FGR: variants seen among roughly 807,000 people sequenced by gnomAD.
FGR encodes the protein FGR proto-oncogene, Src family tyrosine kinase, also known as tyrosine-protein kinase Fgr.
Under a neutral mutation model 63.2 loss-of-function variants are expected in FGR, and 26 were observed. The ratio of observed to expected loss-of-function variants is 0.41; its 90% confidence interval spans 0.30 to 0.57. The LOEUF (loss-of-function observed/expected upper bound fraction) is 0.57, where lower values mean the gene tolerates loss of function less well. Among genes scored for constraint, FGR ranks in the 20% least tolerant of loss-of-function variants. The pLI is 0.27. For missense variants in FGR, 511 were observed against 690.8 expected (o/e 0.74, Z 2.92); for synonymous variants, 286 against 277.7 (o/e 1.03, Z -0.30).
chr1:27,615,389 T>C lies in FGR; in HGVS notation c.1018+45A>G. On this transcript the variant is annotated intron_variant, in intron 9 of 12. Transcript: ENST00000374005. The surrounding 1 kb of genome is among the most constrained non-coding windows in gnomAD (Gnocchi z 7.6). ...GGTCCCACGCCTGAAAACTCCCCTC[T>C]TAACTTCACCCCGAATCCCGCCCGA... 6.4e-7 allele frequency: 1 copy of C among 1,572,998 alleles called. No individual in the cohort carries two copies. The highest frequency in any genetic ancestry group is 8.7e-7 in the Non-Finnish European group (1 of 1,152,774).
Position 27,621,665 on chromosome 1 carries a change from C to A in FGR, c.330-8G>T. 3.1e-6 allele frequency: 5 copies of A among 1,609,788 alleles called. No homozygotes were observed. The highest frequency in any genetic ancestry group is 3.4e-6 in the Non-Finnish European group (4 of 1,176,106). On this transcript the variant is annotated splice_region_variant and splice_polypyrimidine_tract_variant and intron_variant, in intron 4 of 12. Coordinates refer to ENST00000374005, the MANE Select transcript of FGR (RefSeq NM_005248.3). ...TCCCACCAGTCACCTTCACTGTAGG[C>A]ACAGAACAGGGCATGGTCAGCAGCA...
chr1:27,628,366 C>T (rs1305096404), intron 1 of FGR, among the ~76,000 whole-genome samples: 1 of 152,022 alleles, frequency 6.6e-6, no homozygotes, highest in East Asian at 1.9e-4. Context: ...AGGCCACAGA[C>T]ATGATGTATC....
rs535164824 is a variant in FGR at position 27,631,842 on chromosome 1, G to T, written c.-77+3223C>A. Among the ~76,000 whole-genome samples the T allele has an allele frequency of 3.5e-4, 54 of 152,210 alleles. No homozygotes were observed. In the South Asian group the frequency reaches 6.2e-3, roughly 18 times the overall value. ...CAAAAGGGAACCGGGACTTTGGGCAGGGGCAGGAAACCACCATCCTGCAAG... is the reference window on the plus strand; with the variant it reads ...CAAAAGGGAACCGGGACTTTGGGCATGGGCAGGAAACCACCATCCTGCAAG... On this transcript the variant is annotated intron_variant, in intron 1 of 12. Coordinates refer to ENST00000374005, the MANE Select transcript of FGR (RefSeq NM_005248.3).
At chr1:27,614,963 C>T in intron 9 of FGR, 37 bp from the exon 10 acceptor site, 5 of 1,536,738 alleles carry the variant, frequency 3.3e-6, no homozygotes, top group Non-Finnish European at 4.4e-6. Context: ...CAAAGCCCTA[C>T]CCCGGGCCCC....
chr1:27,626,041 C>A (rs1571401303), intron 1 of FGR: 1 of 398,800 alleles, frequency 2.5e-6, no homozygotes, highest in Non-Finnish European at 4.4e-6. Context: ...AGAGTGGATA[C>A]CTACCTCCGG....
intron 5 of FGR, among the ~76,000 whole-genome samples, chr1:27,620,106 C>T (rs761967437): frequency 3.3e-5 from 5 of 152,142 alleles, no homozygotes; most frequent in Non-Finnish European, 5.9e-5. Flanking sequence ...CACTTGAGGT[C>T]AGGAGTTTGA....
In FGR at chr1:27,613,024, T is replaced by C; in HGVS notation, c.1480A>G (p.Thr494Ala). ...PASLYEAMEQ[T>A]WRLDPEERPT... ...CTCTCCTCCGGGTCCAGACGCCAGGTCTGTTCCATGGCCTCGTACAGGGAT... is the reference window on the plus strand; with the variant it reads ...CTCTCCTCCGGGTCCAGACGCCAGGCCTGTTCCATGGCCTCGTACAGGGAT... The change falls in exon 13 of 13, where the codon ACC becomes GCC. Residue 494 changes from threonine to alanine, a missense_variant. Coordinates refer to ENST00000374005, the MANE Select transcript of FGR (RefSeq NM_005248.3). 8 of 1,614,162 alleles carry C rather than the reference T, an allele frequency of 5.0e-6. No homozygotes were observed. The highest frequency in any genetic ancestry group is 6.8e-6 in the Non-Finnish European group (8 of 1,180,012).
chr1:27,627,609 A>G (rs369130457), intron 1 of FGR, among the ~76,000 whole-genome samples: 3 of 152,048 alleles, frequency 2.0e-5, no homozygotes, highest in Admixed American at 2.0e-4. Flanking sequence ...TATTATTATT[A>G]TTAATTTATT....
At chr1:27,628,516 TAC>T (rs56021900) in intron 1 of FGR, among the ~76,000 whole-genome samples, 8,107 of 90,816 alleles carry the variant, frequency 0.089, 314 homozygotes, top group African/African-American at 0.13. Context: ...CATGTAGGGA[TAC>T]ACACACACAC....
In FGR at chr1:27,616,870, C is replaced by T. The variant is rs112532222; in HGVS notation, c.669G>A (p.Val223=). 6.2e-6 allele frequency: 10 copies of T among 1,614,082 alleles called. No individual in the cohort carries two copies. The African/African-American group carries it at 6.7e-5, about 11-fold the overall frequency. ...RVQFNSVQEL[V]QHYMEVNDGL... ...CCCTGCCCTCACCCATGTAGTGCTG[C>T]ACCAGCTCCTGCACCGAGTTGAACT... Residue 223 remains valine (V), a synonymous_variant, in exon 7 of 13, where the codon GTG becomes GTA. Transcript: ENST00000374005. This position sits in a 1 kb window ranked among gnomAD's most constrained non-coding sequence, Gnocchi z 4.3.
In FGR at chr1:27,623,849, C is replaced by T. The variant is rs555769133; in HGVS notation, c.68G>A (p.Gly23Glu). 23 of 1,613,336 alleles carry T rather than the reference C, an allele frequency of 1.4e-5. No homozygotes were observed. The highest frequency in any genetic ancestry group is 1.7e-4 in the Middle Eastern group (1 of 6,046). ...TGCTGCCCCGTAGCTTCTGAAGTCCCCTTCCAGGCCAGCATCCTCCTTGGC... is the reference window on the plus strand; with the variant it reads ...TGCTGCCCCGTAGCTTCTGAAGTCCTCTTCCAGGCCAGCATCCTCCTTGGC... The part of the protein sequence containing the change: ...ATAKEDAGLE[G>E]DFRSYGAADH... The change falls in exon 3 of 13, where the codon GGG (glycine) becomes GAG (glutamate). Residue 23 changes from glycine to glutamate, a missense_variant. Gly to Glu is a moderately conservative substitution (Grantham distance 98). Coordinates refer to ENST00000374005, the MANE Select transcript of FGR (RefSeq NM_005248.3).
chr1:27,613,963 C>T lies in FGR; in HGVS notation c.1249+467G>A, dbSNP rs181667672. 5.9e-3 allele frequency among the ~76,000 whole-genome samples: 898 copies of T among 152,226 alleles called. 10 individuals carry two copies. Among genetic ancestry groups the T allele is most frequent in the African/African-American group, 0.021 (860 of 41,524 alleles). Reference sequence around the variant, plus strand: ...GCATGCATTAACTCATTTAACCCTCCCAAAACCCCCATGAGATAGAGACTC... The same window carrying T: ...GCATGCATTAACTCATTTAACCCTCTCAAAACCCCCATGAGATAGAGACTC... On this transcript the variant is annotated intron_variant, in intron 11 of 12. Coordinates refer to ENST00000374005, the MANE Select transcript of FGR (RefSeq NM_005248.3).
rs200584049 is a variant in FGR at position 27,616,204 on chromosome 1, G to A, written c.683-360C>T. On this transcript the variant is annotated intron_variant, in intron 7 of 12. Transcript: ENST00000374005. This position sits in a 1 kb window ranked among gnomAD's most constrained non-coding sequence, Gnocchi z 4.3. Reference sequence around the variant, plus strand: ...GTGGACATGAGGCCCACGGTCTTCCGTGGACCTCATCCTTGGCATAACCAA... The same window carrying A: ...GTGGACATGAGGCCCACGGTCTTCCATGGACCTCATCCTTGGCATAACCAA... Among the ~76,000 whole-genome samples, 22 of 152,292 alleles carry A rather than the reference G, an allele frequency of 1.4e-4. No homozygotes were observed. In the East Asian group the frequency reaches 3.1e-3, roughly 21 times the overall value.
At chr1:27,623,186 G>A (rs1313764721) in intron 3 of FGR, 42 bp from the exon 4 acceptor site, 1 of 1,464,998 alleles carries the variant, frequency 6.8e-7, no homozygotes, top group East Asian at 2.3e-5. Flanking sequence ...GCATGGGGCA[G>A]AAGCACCAAG....
chr1:27,628,440 G>C (rs1436873434), intron 1 of FGR, among the ~76,000 whole-genome samples: 3 of 151,760 alleles, frequency 2.0e-5, no homozygotes, highest in Non-Finnish European at 2.9e-5. Context: ...CACAGATACA[G>C]ACAGATGCAG....
At chr1:27,613,914 G>A (rs1285927505) in intron 11 of FGR, among the ~76,000 whole-genome samples, 2 of 152,054 alleles carry the variant, frequency 1.3e-5, no homozygotes, top group African/African-American at 4.8e-5. Context: ...TTTCCTGTGT[G>A]CCAGACACTG....
intron 2 of FGR, 63 bp from the exon 3 acceptor site, chr1:27,623,992 G>T: frequency 7.4e-7 from 1 of 1,348,732 alleles, no homozygotes; most frequent in East Asian, 2.3e-5. Context: ...GTGCACACAC[G>T]CGCATGCACA....
rs1012491783 is a variant in FGR, at chr1:27,615,107, C to T, written c.1019-181G>A. Among the ~76,000 whole-genome samples, 9 of 151,984 alleles carry T rather than the reference C, an allele frequency of 5.9e-5. No homozygotes were observed. Among genetic ancestry groups the T allele is most frequent in the African/African-American group, 2.2e-4 (9 of 41,372 alleles). On this transcript the variant is annotated intron_variant, in intron 9 of 12. Transcript: ENST00000374005. This position sits in a 1 kb window ranked among gnomAD's most constrained non-coding sequence, Gnocchi z 7.6. ...CCTGCTGCCAGACACGGACTCTGCC[C>T]ACATCTCGTTTCTTCTGTTCCTTGG...
At chr1:27,631,845 G>T (rs1381686893) in intron 1 of FGR, among the ~76,000 whole-genome samples, 1 of 152,118 alleles carries the variant, frequency 6.6e-6, no homozygotes, top group East Asian at 1.9e-4. Flanking sequence ...TTGGGCAGGG[G>T]CAGGAAACCA....
Sources: gnomAD v4.1 joint callset for allele counts (sites outside exome capture counted in the v4.1 genomes callset) on GRCh38, gnomAD v4.1.1 for gene constraint, Gnocchi (gnomAD v3.1) non-coding constraint, MANE v1.5 for transcripts, NCBI Gene and HGNC (gene_info 2026-07-23, HGNC 2026-07-21) for gene names.